TBCEL: variants seen among roughly 807,000 people sequenced by gnomAD.
TBCEL encodes the protein tubulin folding cofactor E like.
Under a neutral mutation model 44.2 loss-of-function variants are expected in TBCEL, and 15 were observed. The ratio of observed to expected loss-of-function variants is 0.34; its 90% CI spans 0.23 to 0.52. TBCEL has a LOEUF of 0.52. Among genes scored for constraint, TBCEL ranks in the 20% least tolerant of loss-of-function variants. The pLI is 0.95. For missense variants in TBCEL, 319 were observed against 506.3 expected (o/e 0.63, Z 3.55); for synonymous variants, 171 against 185.4 (o/e 0.92, Z 0.63).
At chr11:121,067,360 G>A (rs997299862) in intron 8 of TBCEL, among the ~76,000 whole-genome samples, 1 of 152,208 alleles carries the variant, frequency 6.6e-6, no homozygotes, top group African/African-American at 2.4e-5. Context: ...ATGTTTAGGA[G>A]ACTGAAGGGA....
chr11:121,069,875 A>C (rs1415200761), intron 8 of TBCEL, among the ~76,000 whole-genome samples: 3 of 152,132 alleles, frequency 2.0e-5, no homozygotes, highest in African/African-American at 7.2e-5. Flanking sequence ...TCCGTGAAAG[A>C]CTTTGGTATG....
chr11:121,075,492 G>A (rs1010550473), intron 8 of TBCEL, among the ~76,000 whole-genome samples: 1 of 151,842 alleles, frequency 6.6e-6, no homozygotes, highest in African/African-American at 2.4e-5. Flanking sequence ...TAAATTTTGG[G>A]CTAATTTAGT....
At chr11:121,034,267 G>A (rs1176055230) in intron 1 of TBCEL, among the ~76,000 whole-genome samples, 1 of 152,158 alleles carries the variant, frequency 6.6e-6, no homozygotes, top group Admixed American at 6.5e-5. Flanking sequence ...TTGTTCTGAA[G>A]TATGTTATAA....
intron 1 of TBCEL, among the ~76,000 whole-genome samples, chr11:121,034,785 A>G (rs1447997824): frequency 6.6e-6 from 1 of 152,218 alleles, no homozygotes; most frequent in Admixed American, 6.5e-5. Flanking sequence ...TATGTGATTA[A>G]TCGCCCACTG....
chr11:121,033,489 G>A (rs1355179358), intron 1 of TBCEL, among the ~76,000 whole-genome samples: 1 of 152,108 alleles, frequency 6.6e-6, no homozygotes, highest in African/African-American at 2.4e-5. Context: ...ATTGAGACTT[G>A]CCTGTTTTAT....
intron 7 of TBCEL, 114 bp downstream of exon 7, chr11:121,058,585 CTG>C: frequency 7.2e-7 from 1 of 1,396,508 alleles, no homozygotes; most frequent in East Asian, 2.4e-5. Flanking sequence ...TTTGAGCAGA[CTG>C]TGCTTGAGGG....
intron 1 of TBCEL, among the ~76,000 whole-genome samples, chr11:121,032,431 C>T (rs1945162662): frequency 6.6e-6 from 1 of 152,118 alleles, no homozygotes; most frequent in Admixed American, 6.5e-5. Flanking sequence ...TCCTGCGAGC[C>T]TCTGATCATA....
intron 8 of TBCEL, among the ~76,000 whole-genome samples, chr11:121,080,673 A>T (rs1323883398): frequency 6.6e-6 from 1 of 152,210 alleles, no homozygotes; most frequent in Admixed American, 6.5e-5. Flanking sequence ...AGGTTTTATA[A>T]TAAATAGAAA....
chr11:121,058,993 C>T (rs1945671506), intron 7 of TBCEL, among the ~76,000 whole-genome samples: 1 of 151,920 alleles, frequency 6.6e-6, no homozygotes, highest in Admixed American at 6.6e-5. Context: ...CCTCCACATA[C>T]TCGGGAATTT....
chr11:121,060,190 A>T, intron 8 of TBCEL, 105 bp downstream of exon 8: 1 of 752,032 alleles, frequency 1.3e-6, no homozygotes, highest in Non-Finnish European at 2.2e-6. Context: ...CCCTTCTTAG[A>T]GAACTTTGTT....
chr11:121,050,719 A>G (rs907776561), intron 4 of TBCEL, among the ~76,000 whole-genome samples: 1 of 151,694 alleles, frequency 6.6e-6, no homozygotes, highest in Non-Finnish European at 1.5e-5. Flanking sequence ...TACAGATGAC[A>G]GATTGTTGTC....
chr11:121,079,134 A>G (rs1480954453), intron 8 of TBCEL, among the ~76,000 whole-genome samples: 2 of 152,238 alleles, frequency 1.3e-5, no homozygotes, highest in Non-Finnish European at 2.9e-5. Context: ...ATACTTTGCT[A>G]TATGTGTGAA....
At chr11:121,038,411 C>G (rs138268488) in intron 2 of TBCEL, among the ~76,000 whole-genome samples, 2 of 152,092 alleles carry the variant, frequency 1.3e-5, no homozygotes, top group African/African-American at 4.8e-5. Context: ...TGGGGATACT[C>G]TTAGGCTGCA....
At chr11:121,053,448 G>A (rs1392322927) in intron 4 of TBCEL, 103 bp from the exon 5 acceptor site, 7 of 989,766 alleles carry the variant, frequency 7.1e-6, no homozygotes, top group South Asian at 1.6e-5. Context: ...TGATGTAAAT[G>A]GCCCTTTGCC....
At chr11:121,044,155 A>G (rs796829472) in intron 2 of TBCEL, among the ~76,000 whole-genome samples, 2 of 152,024 alleles carry the variant, frequency 1.3e-5, no homozygotes, top group Non-Finnish European at 1.5e-5. Context: ...TTATTCTACC[A>G]GTGAATCACT....
Position 121,068,853 on chromosome 11 carries a change from C to G in TBCEL, c.956+8768C>G, listed in dbSNP as rs185508776. On this transcript the variant is annotated intron_variant, in intron 8 of 8. Coordinates refer to ENST00000683345, the MANE Select transcript of TBCEL (RefSeq NM_001363644.2). ...GGTGAGCTGAGATCACACCACTGCA[C>G]TGCAGCCTGGGTGACAGAGCAAGGC... 3.8e-4 allele frequency among the ~76,000 whole-genome samples: 58 copies of G among 150,766 alleles called. No homozygotes were observed. The East Asian group carries it at 0.01, about 27-fold the overall frequency.
chr11:121,084,767 C>T (rs1247162374), intron 8 of TBCEL, among the ~76,000 whole-genome samples: 1 of 151,962 alleles, frequency 6.6e-6, no homozygotes, highest in South Asian at 2.1e-4. Flanking sequence ...GCTGTCTTTT[C>T]TGAGATTTTG....
At chr11:121,061,427 G>C (rs181947655) in intron 8 of TBCEL, among the ~76,000 whole-genome samples, 4 of 151,416 alleles carry the variant, frequency 2.6e-5, no homozygotes, top group African/African-American at 9.7e-5. Flanking sequence ...ACATACATAC[G>C]TCCATACAGT....
rs548971212 is a variant in TBCEL, at chr11:121,081,615, T to C, written c.957-5163T>C. On this transcript the variant is annotated intron_variant, in intron 8 of 8. Coordinates refer to ENST00000683345, the MANE Select transcript of TBCEL (RefSeq NM_001363644.2). ...CAGGCATGCAATGCATGCAGTATAG[T>C]TCAGTTTGGATGGACTTTTGCATAA... 2.6e-5 allele frequency among the ~76,000 whole-genome samples: 4 copies of C among 152,342 alleles called. No homozygotes were observed. In the East Asian group the frequency reaches 7.7e-4, roughly 29 times the overall value.
Sources: gnomAD v4.1 joint callset for allele counts (sites outside exome capture counted in the v4.1 genomes callset) on GRCh38, gnomAD v4.1.1 for gene constraint, MANE v1.5 for transcripts, NCBI Gene and HGNC (gene_info 2026-07-23, HGNC 2026-07-21) for gene names.